The following ANKRD6 variants were observed in gnomAD, a reference collection of about 807,000 sequenced individuals.
The protein encoded by ANKRD6 is ankyrin repeat domain-containing protein 6.
Under a neutral mutation model 82.3 loss-of-function variants are expected in ANKRD6, and 56 were observed. The observed-to-expected ratio is 0.68, with a 90% CI of 0.55 to 0.85. The LOEUF is 0.85. Among genes scored for constraint, ANKRD6 ranks in the 40% least tolerant of loss-of-function variants. ANKRD6 has a pLI of 0.00. For missense variants in ANKRD6, 852 were observed against 907.6 expected, an observed-to-expected ratio of 0.94 and a Z score of 0.79; for synonymous variants, 347 against 352.1, an observed-to-expected ratio of 0.99 and a Z score of 0.16.
In ANKRD6 at chr6:89,632,330, T is replaced by G. The variant is rs3186412; in HGVS notation, c.*1326T>G. The stretch of plus-strand genomic sequence containing the variant: ...CAGTTTTAGGGTTTTTTCTTTTTTT[T>G]ATAGTGACAATCCATAGATATAGAC... On this transcript the variant is annotated 3_prime_UTR_variant, in exon 16 of 16. Coordinates refer to ENST00000339746, the MANE Select transcript of ANKRD6 (RefSeq NM_001242809.2). 0.18 allele frequency: 26,969 copies of G among 151,088 alleles called. 2,665 individuals are homozygous for G. The highest frequency in any genetic ancestry group is 0.31 in the South Asian group (1,480 of 4,738). The allele number at this position is 151,088 out of a possible 1,614,324, so 9.4% of individuals were successfully genotyped here.
Position 89,612,320 on chromosome 6 carries a change from A to G in ANKRD6, c.466A>G (p.Ser156Gly), listed in dbSNP as rs774494829. 1.3e-6 allele frequency: 2 copies of G among 1,566,592 alleles called. No individual in the cohort carries two copies. Among genetic ancestry groups the G allele is most frequent in the Non-Finnish European group, 1.7e-6 (2 of 1,154,946 alleles). ...GGCCTGCCAGAACAGCCACTCCCAG[A>G]GCACGCGCGTCCTCCTGCTGGCCGG... ...HLACQNSHSQ[S>G]TRVLLLAGSR... Residue 156 changes from serine to glycine, a missense_variant, in exon 6 of 16, where the codon AGC becomes GGC. By Grantham distance (56) the Ser-to-Gly change is moderately conservative (BLOSUM62 0). Transcript: ENST00000339746.
At chr6:89,543,154 C>A (rs1784630767) in intron 1 of ANKRD6, among the ~76,000 whole-genome samples, 1 of 152,160 alleles carries the variant, frequency 6.6e-6, no homozygotes, top group Non-Finnish European at 1.5e-5. Context: ...TGCAGAGATT[C>A]CTTGATGCCA....
chr6:89,468,693 GGACACCTGC>G, intron 1 of ANKRD6, among the ~76,000 whole-genome samples: 1 of 151,068 alleles, frequency 6.6e-6, no homozygotes, highest in South Asian at 2.1e-4. Context: ...TCAAAGGGTT[GGACACCTGC>G]GGATAGCCCT....
intron 2 of ANKRD6, 93 bp from the exon 3 acceptor site, chr6:89,595,823 G>A: frequency 1.1e-6 from 1 of 937,432 alleles, no homozygotes; most frequent in Admixed American, 2.0e-5. Context: ...TCATCCGAAA[G>A]CCCCTGTGCA....
At chr6:89,509,163 C>G (rs1417441793) in intron 1 of ANKRD6, 1 of 152,310 alleles carries the variant, frequency 6.6e-6, no homozygotes, top group African/African-American at 2.4e-5. Flanking sequence ...CTCCTGGCTG[C>G]TTCCTGATGT....
intron 1 of ANKRD6, among the ~76,000 whole-genome samples, chr6:89,542,115 G>C (rs1287201867): frequency 1.3e-5 from 2 of 151,940 alleles, no homozygotes; most frequent in Non-Finnish European, 2.9e-5. Flanking sequence ...TTAAAATAGT[G>C]ACAGGTTAGA....
At chr6:89,499,915 C>G (rs536544414) in intron 1 of ANKRD6, among the ~76,000 whole-genome samples, 23 of 152,026 alleles carry the variant, frequency 1.5e-4, no homozygotes, top group Non-Finnish European at 3.4e-4. Context: ...CACTGCAAAC[C>G]AAAGAGTAAT....
At chr6:89,600,066 C>A (rs546857338) in intron 3 of ANKRD6, among the ~76,000 whole-genome samples, 3 of 152,108 alleles carry the variant, frequency 2.0e-5, no homozygotes, top group Admixed American at 2.0e-4. Flanking sequence ...GTGTTCTCGC[C>A]GCAACCTCAC....
intron 1 of ANKRD6, among the ~76,000 whole-genome samples, chr6:89,455,885 T>C (rs1021055576): frequency 2.6e-5 from 4 of 152,126 alleles, no homozygotes; most frequent in African/African-American, 9.7e-5. Flanking sequence ...TCTCTCTCTT[T>C]TTTTTTTCTG....
intron 2 of ANKRD6, among the ~76,000 whole-genome samples, chr6:89,580,323 A>G (rs1268070068): frequency 1.3e-5 from 2 of 151,940 alleles, no homozygotes; most frequent in African/African-American, 2.4e-5. Flanking sequence ...GGGCTTTTGC[A>G]TCATGTTGTC....
chr6:89,613,240 C>G (rs1348367574), intron 6 of ANKRD6, among the ~76,000 whole-genome samples: 1 of 152,166 alleles, frequency 6.6e-6, no homozygotes, highest in Non-Finnish European at 1.5e-5. Context: ...TCCTTATGAG[C>G]TCCCCTACTA....
intron 1 of ANKRD6, among the ~76,000 whole-genome samples, chr6:89,471,359 C>CA (rs568718441): frequency 0.053 from 3,019 of 57,166 alleles, 48 homozygotes; most frequent in African/African-American, 0.098. Flanking sequence ...ACAACAACAA[C>CA]AAAAAAAAAA....
rs540666190 is a variant in ANKRD6, at chr6:89,518,938, C to G, written c.-143-47896C>G. ...TGGTTTGGTTTCTTCTGAGGCCTTT[C>G]CCCTCAGCTTGCAGATGGCCACCTT... On this transcript the variant is annotated intron_variant, in intron 1 of 15. Coordinates refer to ENST00000339746, the MANE Select transcript of ANKRD6 (RefSeq NM_001242809.2). 3.6e-4 allele frequency among the ~76,000 whole-genome samples: 55 copies of G among 152,310 alleles called. No individual in the cohort carries two copies. The South Asian group carries it at 0.011, about 31-fold the overall frequency.
chr6:89,435,175 A>G (rs1304480682), intron 1 of ANKRD6, among the ~76,000 whole-genome samples: 1 of 152,234 alleles, frequency 6.6e-6, no homozygotes, highest in African/African-American at 2.4e-5. Flanking sequence ...CTTCTTGTAT[A>G]GAGATGCTGG....
intron 1 of ANKRD6, among the ~76,000 whole-genome samples, chr6:89,544,586 C>T (rs1237427683): frequency 2.6e-5 from 4 of 151,960 alleles, no homozygotes; most frequent in African/African-American, 9.7e-5. Context: ...TAGTGGCAGG[C>T]GCCTGTAGTT....
chr6:89,502,272 A>G (rs1779351422), intron 1 of ANKRD6, among the ~76,000 whole-genome samples: 1 of 152,212 alleles, frequency 6.6e-6, no homozygotes, highest in Admixed American at 6.5e-5. Flanking sequence ...ACATTGCCAT[A>G]CTTAACGTAA....
intron 9 of ANKRD6, chr6:89,618,347 C>T (rs1186561800): frequency 3.3e-6 from 2 of 609,770 alleles, no homozygotes; most frequent in East Asian, 2.7e-5. Context: ...CAGGACAGGG[C>T]CATGATTGCA....
intron 8 of ANKRD6, among the ~76,000 whole-genome samples, chr6:89,617,276 G>A (rs1396387677): frequency 1.3e-5 from 2 of 152,128 alleles, no homozygotes; most frequent in African/African-American, 4.8e-5. Flanking sequence ...GCTGGCACAA[G>A]GCTCTTCAGC....
chr6:89,518,445 G>T (rs1781493795), intron 1 of ANKRD6, among the ~76,000 whole-genome samples: 1 of 151,918 alleles, frequency 6.6e-6, no homozygotes, highest in Non-Finnish European at 1.5e-5. Flanking sequence ...ACACAGGTAA[G>T]TGATCTGAAT....
Sources: gnomAD v4.1 joint callset for allele counts (sites outside exome capture counted in the v4.1 genomes callset) on GRCh38, gnomAD v4.1.1 for gene constraint, MANE v1.5 for transcripts, NCBI Gene and HGNC (gene_info 2026-07-23, HGNC 2026-07-21) for gene names.